Variants in LYPLAL1 observed in about 807,000 individuals in gnomAD.
The protein encoded by LYPLAL1 is lysophospholipase like 1.
A neutral mutation model predicts 19.7 loss-of-function variants in LYPLAL1; 23 were observed. That is an observed-to-expected ratio of 1.17 (90% CI 0.84 to 1.65). LYPLAL1 has a LOEUF of 1.65. LYPLAL1 is among the 40% of genes most tolerant of loss of function. The probability of loss-of-function intolerance (pLI) is 0.00; values close to 1 mark genes in which losing one functional copy is unlikely to be tolerated. For missense variants in LYPLAL1, 355 were observed against 279.4 expected (o/e 1.27, Z -1.93); for synonymous variants, 119 against 96.3 (o/e 1.24, Z -1.38).
the LYPLAL1 span, among the ~76,000 whole-genome samples, chr1:219,220,372 C>T: frequency 6.6e-6 from 1 of 151,788 alleles, no homozygotes; most frequent in Non-Finnish European, 1.5e-5. Context: ...TAAGCAGCCT[C>T]TCAGAAGGCA....
the LYPLAL1 span, among the ~76,000 whole-genome samples, chr1:219,329,301 C>CT: frequency 6.6e-6 from 1 of 152,140 alleles, no homozygotes; most frequent in African/African-American, 2.4e-5. Flanking sequence ...TATGAAAAGT[C>CT]TTAACATGAT....
At chr1:219,375,326 C>G in the LYPLAL1 span, among the ~76,000 whole-genome samples, 781 of 151,774 alleles carry the variant, frequency 5.1e-3, 12 homozygotes, top group African/African-American at 0.018. Flanking sequence ...ATTAGCTGGG[C>G]GTGGTGGCGC....
chr1:219,281,816 A>G, the LYPLAL1 span, among the ~76,000 whole-genome samples: 3 of 152,090 alleles, frequency 2.0e-5, no homozygotes, highest in African/African-American at 7.2e-5. Flanking sequence ...TTTTTTTCTG[A>G]ACGGCCACTG....
chr1:219,276,219 CTT>C, the LYPLAL1 span, among the ~76,000 whole-genome samples: 2 of 152,106 alleles, frequency 1.3e-5, no homozygotes, highest in Admixed American at 6.5e-5. Context: ...GTCTTGGACT[CTT>C]TTGGTGACAA....
the LYPLAL1 span, among the ~76,000 whole-genome samples, chr1:219,436,049 T>A: frequency 2.0e-5 from 3 of 152,236 alleles, no homozygotes; most frequent in East Asian, 5.8e-4. Flanking sequence ...GCTTCACACA[T>A]AGACACAGGA....
At chr1:219,435,591 C>G in the LYPLAL1 span, among the ~76,000 whole-genome samples, 1 of 151,938 alleles carries the variant, frequency 6.6e-6, no homozygotes, top group Non-Finnish European at 1.5e-5. Flanking sequence ...CTTTGGGAGG[C>G]CGAGGCAGGC....
the LYPLAL1 span, among the ~76,000 whole-genome samples, chr1:219,410,900 C>G: frequency 6.6e-6 from 1 of 152,232 alleles, no homozygotes; most frequent in Non-Finnish European, 1.5e-5. Context: ...GGGCAGGGCT[C>G]GGGACCTGCA....
At chr1:219,342,124 G>A in the LYPLAL1 span, among the ~76,000 whole-genome samples, 3 of 152,012 alleles carry the variant, frequency 2.0e-5, no homozygotes, top group Non-Finnish European at 4.4e-5. Flanking sequence ...TCATCCCTTT[G>A]CATCTGGGTA....
At chr1:219,201,102 T>G (rs1658061917) in intron 3 of LYPLAL1, among the ~76,000 whole-genome samples, 1 of 152,218 alleles carries the variant, frequency 6.6e-6, no homozygotes, top group East Asian at 1.9e-4. Context: ...TTACATTGAT[T>G]AATATGGTCT....
chr1:219,397,305 A>G, the LYPLAL1 span, among the ~76,000 whole-genome samples: 1 of 152,174 alleles, frequency 6.6e-6, no homozygotes, highest in Admixed American at 6.5e-5. Flanking sequence ...GTGCTGCTAG[A>G]TTCAGTTTGC....
At chr1:219,440,038 T>TAC in the LYPLAL1 span, among the ~76,000 whole-genome samples, 1 of 145,046 alleles carries the variant, frequency 6.9e-6, no homozygotes, top group African/African-American at 2.6e-5. Context: ...TATATATATA[T>TAC]ACACTCAGTG....
chr1:219,188,479 T>C (rs1373804493), intron 2 of LYPLAL1, among the ~76,000 whole-genome samples: 1 of 151,684 alleles, frequency 6.6e-6, no homozygotes, highest in East Asian at 1.9e-4. Flanking sequence ...CAACTAATAA[T>C]AAGCTCGTAC....
intron 2 of LYPLAL1, among the ~76,000 whole-genome samples, chr1:219,186,401 G>A (rs1054111540): frequency 6.6e-6 from 1 of 151,784 alleles, no homozygotes; most frequent in African/African-American, 2.4e-5. Flanking sequence ...TCTATTAGTT[G>A]CCAAGGGATG....
chr1:219,203,544 AG>A (rs1183766486), intron 3 of LYPLAL1, among the ~76,000 whole-genome samples: 3 of 152,222 alleles, frequency 2.0e-5, no homozygotes, highest in Non-Finnish European at 4.4e-5. Context: ...CAAGGAGAGA[AG>A]TAAATCTTTC....
the LYPLAL1 span, among the ~76,000 whole-genome samples, chr1:219,317,759 C>G: frequency 6.6e-6 from 1 of 152,180 alleles, no homozygotes; most frequent in African/African-American, 2.4e-5. Flanking sequence ...TATACTCCTG[C>G]AGCAGTTGTC....
chr1:219,321,390 C>T, the LYPLAL1 span, among the ~76,000 whole-genome samples: 59 of 152,186 alleles, frequency 3.9e-4, no homozygotes, highest in African/African-American at 1.3e-3. Context: ...ATTCTGTAGG[C>T]TGCCTGTTCA....
chr1:219,257,968 T>C, the LYPLAL1 span, among the ~76,000 whole-genome samples: 1 of 152,120 alleles, frequency 6.6e-6, no homozygotes, highest in South Asian at 2.1e-4. Flanking sequence ...CCCCAGGGTG[T>C]TAATTATTAA....
the LYPLAL1 span, among the ~76,000 whole-genome samples, chr1:219,356,860 A>C: frequency 6.6e-6 from 1 of 152,236 alleles, no homozygotes; most frequent in South Asian, 2.1e-4. Context: ...TTAGTCATAC[A>C]TGATTTTGCA....
At chr1:219,266,251 T>A in the LYPLAL1 span, among the ~76,000 whole-genome samples, 2 of 152,162 alleles carry the variant, frequency 1.3e-5, no homozygotes, top group Non-Finnish European at 1.5e-5. Flanking sequence ...TTCTATAAGC[T>A]TTTTTCTATT....
Sources: allele counts gnomAD v4.1 joint callset (sites outside exome capture counted in the v4.1 genomes callset), GRCh38; gene constraint gnomAD v4.1.1; transcripts MANE v1.5; gene names NCBI Gene and HGNC (gene_info 2026-07-23, HGNC 2026-07-21).